Variants in AFDN observed in about 807,000 individuals in gnomAD.
The protein encoded by AFDN is afadin, adherens junction formation factor.
AFDN carries 68 observed loss-of-function variants against 216.6 expected under a neutral mutation model. The ratio of observed to expected loss-of-function variants is 0.31; its 90% CI spans 0.26 to 0.38. The LOEUF is 0.38. Ranked by LOEUF, AFDN falls within the 10% of genes least tolerant of loss-of-function variation. The probability of loss-of-function intolerance (pLI) is 1.00; values close to 1 mark genes in which losing one functional copy is unlikely to be tolerated. For missense variants in AFDN, 2,136 were observed against 2,342.0 expected, an observed-to-expected ratio of 0.91 and a Z score of 1.82; for synonymous variants, 868 against 853.7, an observed-to-expected ratio of 1.02 and a Z score of -0.29.
At chr6:167,902,471 C>T (rs1032801255) in intron 12 of AFDN, 85 bp downstream of exon 12, 34 of 1,014,144 alleles carry the variant, frequency 3.4e-5, no homozygotes, top group African/African-American at 2.1e-4. Context: ...GATGTGTTCC[C>T]CTTATTTGTG....
intron 21 of AFDN, among the ~76,000 whole-genome samples, chr6:167,922,573 G>A (rs1256432295): frequency 2.0e-5 from 3 of 152,156 alleles, no homozygotes; most frequent in Non-Finnish European, 4.4e-5. Context: ...GTAATGACAA[G>A]GCTATTTGGT....
chr6:167,965,871 C>T lies in AFDN; in HGVS notation c.5083C>T (p.Leu1695Phe). 1 of 1,549,092 alleles carries T rather than the reference C, an allele frequency of 6.5e-7. No homozygotes were observed. The highest frequency in any genetic ancestry group is 8.7e-7 in the Non-Finnish European group (1 of 1,146,458). ...PEAPGLCRPP[L>F]PRDYEPPSPS... The stretch of plus-strand genomic sequence containing the variant: ...GGCGCCCGGTCTGTGCCGCCCTCCG[C>T]TTCCCCGGGACTACGAGCCCCCGTC... The change falls in exon 32 of 34, where the codon CTT (leucine) becomes TTT (phenylalanine). Residue 1695 changes from leucine to phenylalanine, a missense_variant. Leu to Phe is a conservative substitution (Grantham distance 22). Around this residue, in one of 8 missense-constraint regions of AFDN, gnomAD observed 981 missense variants for 966.0 expected, o/e 1.02. Coordinates refer to ENST00000683244, the MANE Select transcript of AFDN (RefSeq NM_001386888.1).
At chr6:167,907,108 T>G (rs1000672416) in intron 12 of AFDN, 63 bp from the exon 13 acceptor site, 22 of 1,224,036 alleles carry the variant, frequency 1.8e-5, no homozygotes, top group Non-Finnish European at 2.5e-5. Flanking sequence ...CTTGCAACGC[T>G]GAGTGTCAAG....
chr6:167,841,212 G>A (rs1366687480), intron 1 of AFDN, among the ~76,000 whole-genome samples: 2 of 152,190 alleles, frequency 1.3e-5, no homozygotes, highest in African/African-American at 4.8e-5. Flanking sequence ...TTAGATTTGA[G>A]TGGGGAAATA....
intron 32 of AFDN, 51 bp from the exon 33 acceptor site, chr6:167,969,063 G>A (rs1446775444): frequency 7.1e-7 from 1 of 1,402,764 alleles, no homozygotes; most frequent in Non-Finnish European, 1.0e-6. Flanking sequence ...CATGAGTAAA[G>A]CTTAGAAATA....
intron 12 of AFDN, among the ~76,000 whole-genome samples, chr6:167,903,194 T>C (rs1459400859): frequency 6.6e-6 from 1 of 152,242 alleles, no homozygotes; most frequent in Non-Finnish European, 1.5e-5. Context: ...CAAAACTTTG[T>C]GGCTAAACAG....
chr6:167,895,365 C>T (rs17165167), intron 9 of AFDN, among the ~76,000 whole-genome samples: 4,412 of 152,230 alleles, frequency 0.029, 103 homozygotes, highest in Non-Finnish European at 0.048. Flanking sequence ...AGGGAGCTAC[C>T]TATGTCCAGG....
At chr6:167,864,769 T>G (rs766371517) in intron 2 of AFDN, 23 bp downstream of exon 2, 1 of 1,611,496 alleles carries the variant, frequency 6.2e-7, no homozygotes, top group South Asian at 1.1e-5. Flanking sequence ...AGGAAGGGTT[T>G]GCTAGAGGCA....
intron 1 of AFDN, chr6:167,864,175 A>G (rs898048898): frequency 4.0e-4 from 179 of 450,990 alleles, no homozygotes; most frequent in Non-Finnish European, 3.3e-4. Context: ...ACTCAACTCT[A>G]TGAGTTTGGA....
chr6:167,898,011 T>G (rs1470549286), intron 10 of AFDN, among the ~76,000 whole-genome samples, 194 bp from the exon 11 acceptor site: 3 of 152,156 alleles, frequency 2.0e-5, no homozygotes, highest in African/African-American at 7.2e-5. Flanking sequence ...ATAAAAGGTC[T>G]GATTGGTTTG....
rs1423171051 is a variant in AFDN at position 167,893,699 on chromosome 6, A to C, written c.1178-163A>C. ...GGCACTAGTATAGTCTTGTCCTCACAAAAGCTGATGGGTGAAGTGTACCTT... is the reference window on the plus strand; with the variant it reads ...GGCACTAGTATAGTCTTGTCCTCACCAAAGCTGATGGGTGAAGTGTACCTT... On this transcript the variant is annotated intron_variant, in intron 8 of 33. Coordinates refer to ENST00000683244, the MANE Select transcript of AFDN (RefSeq NM_001386888.1). The C allele has an allele frequency of 2.7e-5, 17 of 627,998 alleles. No homozygotes were observed. The Middle Eastern group carries it at 1.5e-3, about 57-fold the overall frequency. The allele number at this position is 627,998 out of a possible 1,614,324, so 38.9% of individuals were successfully genotyped here. A position where few individuals can be genotyped will look rare whatever the true frequency, so the allele number is the denominator to read the frequency against.
At chr6:167,860,271 G>A (rs977945907) in intron 1 of AFDN, among the ~76,000 whole-genome samples, 2 of 144,386 alleles carry the variant, frequency 1.4e-5, no homozygotes, top group African/African-American at 5.1e-5. Flanking sequence ...CTTTATGGCT[G>A]TTTATTATAA....
chr6:167,931,876 C>T (rs759012102), intron 23 of AFDN, among the ~76,000 whole-genome samples: 2 of 152,314 alleles, frequency 1.3e-5, no homozygotes, highest in East Asian at 1.9e-4. Flanking sequence ...TTTTCAGTCA[C>T]GCTGCTGCTG....
rs372194773 is a variant in AFDN at position 167,947,386 on chromosome 6, A to G, written c.3554-467A>G. Among the ~76,000 whole-genome samples the G allele has an allele frequency of 1.8e-4, 28 of 152,122 alleles. No individual in the cohort carries two copies. The East Asian group carries it at 2.7e-3, about 15-fold the overall frequency. ...AGTAGAGACGGGGTTTCACCATGTT[A>G]GCCAGGATGGTCTCGATCTCCTGAC... On this transcript the variant is annotated intron_variant, in intron 27 of 33. Coordinates refer to ENST00000683244, the MANE Select transcript of AFDN (RefSeq NM_001386888.1).
At chr6:167,857,176 C>G (rs937367165) in intron 1 of AFDN, among the ~76,000 whole-genome samples, 1 of 151,876 alleles carries the variant, frequency 6.6e-6, no homozygotes, top group African/African-American at 2.4e-5. Context: ...GTATGGCTTA[C>G]TAAATACAGT....
In AFDN at chr6:167,951,420, A is replaced by G; in HGVS notation, c.4066A>G (p.Ile1356Val). The G allele has an allele frequency of 6.2e-7, 1 of 1,614,118 alleles. No individual in the cohort carries two copies. The highest frequency in any genetic ancestry group is 8.5e-7 in the Non-Finnish European group (1 of 1,179,996). The change falls in exon 30 of 34, where the codon ATA becomes GTA. Residue 1356 changes from isoleucine (I) to valine (V), a missense_variant. Physicochemically the swap from Ile to Val is conservative, Grantham distance 29. This residue lies in a region of AFDN where 981 missense variants were observed against 966.0 expected (regional missense o/e 1.02). Coordinates refer to ENST00000683244, the MANE Select transcript of AFDN (RefSeq NM_001386888.1). This position sits in a 1 kb window ranked among gnomAD's most constrained non-coding sequence, Gnocchi z 7.1. ...TGGCCGTTGGAAAACACCAGCAGCC[A>G]TACCGGCCACCCCTGTGGCCGTCTC... ...GPGRWKTPAAIPATPVAVSQP... is the reference protein window; with the variant it reads ...GPGRWKTPAAVPATPVAVSQP...
chr6:167,874,699 T>G (rs980867287), intron 4 of AFDN, among the ~76,000 whole-genome samples: 1 of 145,844 alleles, frequency 6.9e-6, no homozygotes, highest in East Asian at 2.2e-4. Context: ...CACTGCAACC[T>G]CCGCCTCCTG....
At chr6:167,959,627 TATG>T (rs1353730912) in intron 30 of AFDN, among the ~76,000 whole-genome samples, 21 of 152,172 alleles carry the variant, frequency 1.4e-4, no homozygotes, top group African/African-American at 4.8e-4. Context: ...TAAAGGGTAT[TATG>T]ACCCCATTTT....
At chr6:167,933,557 C>G (rs758266885) in intron 23 of AFDN, among the ~76,000 whole-genome samples, 4 of 152,166 alleles carry the variant, frequency 2.6e-5, no homozygotes, top group Non-Finnish European at 5.9e-5. Context: ...TTCCAAAGAC[C>G]TATTGTGCTT....
Sources: allele counts gnomAD v4.1 joint callset (sites outside exome capture counted in the v4.1 genomes callset), GRCh38; gene constraint gnomAD v4.1.1; regional missense constraint gnomAD v4.1.1; non-coding constraint Gnocchi (gnomAD v3.1); transcripts MANE v1.5; gene names NCBI Gene and HGNC (gene_info 2026-07-23, HGNC 2026-07-21).